Variants in SPTBN2 observed in about 807,000 individuals in gnomAD.
SPTBN2 encodes spectrin beta chain, non-erythrocytic 2.
Under a neutral mutation model 284.2 loss-of-function variants are expected in SPTBN2, and 107 were observed. The ratio of observed to expected loss-of-function variants is 0.38; its 90% confidence interval spans 0.32 to 0.44. The LOEUF (loss-of-function observed/expected upper bound fraction) is 0.44, where lower values mean the gene tolerates loss of function less well. Among genes scored for constraint, SPTBN2 ranks in the 20% least tolerant of loss-of-function variants. The probability of loss-of-function intolerance (pLI) is 1.00; values close to 1 mark genes in which losing one functional copy is unlikely to be tolerated. For missense variants in SPTBN2, 2,569 were observed against 3,287.1 expected, an observed-to-expected ratio of 0.78 and a Z score of 5.34; for synonymous variants, 1,289 against 1,354.8, an observed-to-expected ratio of 0.95 and a Z score of 1.07.
chr11:66,729,958 T>A (rs755024611), upstream of SPTBN2, among the ~76,000 whole-genome samples: 16 of 152,006 alleles, frequency 1.1e-4, no homozygotes, highest in Non-Finnish European at 1.5e-4. Flanking sequence ...CATGCCACCA[T>A]GCCCGACTAA....
In SPTBN2 at chr11:66,691,769, A is replaced by G. The variant is rs115016940; in HGVS notation, c.5191-111T>C. On this transcript the variant is annotated intron_variant, in intron 26 of 37. Transcript: ENST00000533211. This position sits in a 1 kb window ranked among gnomAD's most constrained non-coding sequence, Gnocchi z 8.0. Reference sequence around the variant, plus strand: ...CTCAGAACCCACCTCTCCCCGCTGCATGGGGGCCGGGACAGGTTTCTTCCC... The same window carrying G: ...CTCAGAACCCACCTCTCCCCGCTGCGTGGGGGCCGGGACAGGTTTCTTCCC... The G allele has an allele frequency of 1.3e-6, 2 of 1,508,040 alleles. No homozygotes were observed. Among genetic ancestry groups the G allele is most frequent in the Non-Finnish European group, 1.8e-6 (2 of 1,104,818 alleles). 93.4% of individuals were successfully genotyped at this position (1,508,040 alleles called of 1,614,324 possible).
In SPTBN2 at chr11:66,685,868, C is replaced by A; in HGVS notation, c.*3G>T. 6.2e-7 allele frequency: 1 copy of A among 1,613,578 alleles called. No homozygotes were observed. The highest frequency in any genetic ancestry group is 1.1e-5 in the South Asian group (1 of 91,032). On this transcript the variant is annotated 3_prime_UTR_variant, in exon 38 of 38. Transcript: ENST00000533211. The surrounding 1 kb of genome is among the most constrained non-coding windows in gnomAD (Gnocchi z 4.4). ...GGGAGTTGGCCTGGGACCTTGCCCC[C>A]AACTACTTGTTCTTCTTAAAGAAGC...
intron 1 of SPTBN2, among the ~76,000 whole-genome samples, chr11:66,726,152 A>G (rs1942615383): frequency 6.6e-6 from 1 of 152,146 alleles, no homozygotes; most frequent in Non-Finnish European, 1.5e-5. Context: ...CTTGACTATA[A>G]TTCATTTTTT....
rs765403117 is a variant in SPTBN2 at position 66,687,394 on chromosome 11, G to A, written c.6722+33C>T. ...ATCTGGGCAGAGGCTCTGGGGAAGTGCCCTCTGAGAGCAGGCTCCAGAGAG... is the reference window on the plus strand; with the variant it reads ...ATCTGGGCAGAGGCTCTGGGGAAGTACCCTCTGAGAGCAGGCTCCAGAGAG... On this transcript the variant is annotated intron_variant, in intron 35 of 37. Coordinates refer to ENST00000533211, the MANE Select transcript of SPTBN2 (RefSeq NM_006946.4). This position sits in a 1 kb window ranked among gnomAD's most constrained non-coding sequence, Gnocchi z 5.2. The A allele has an allele frequency of 1.3e-6, 2 of 1,597,062 alleles. No individual in the cohort carries two copies. The highest frequency in any genetic ancestry group is 2.2e-5 in the South Asian group (2 of 90,984).
At position 66,687,092 on chromosome 11, in the gene SPTBN2, C is replaced by G. The variant is rs140748364; in HGVS notation, c.6798G>C (p.Ala2266=). The part of the protein sequence containing the change: ...GFYKDAKAAS[A]GVPYHGEVPV... ...GCACTTCTCCGTGGTATGGCACTCC[C>G]GCGCTGGCTGCCTTGGCATCCTTGT... The change falls in exon 36 of 38, where the codon GCG becomes GCC. Residue 2266 remains alanine (A), a synonymous_variant. Coordinates refer to ENST00000533211, the MANE Select transcript of SPTBN2 (RefSeq NM_006946.4). The surrounding 1 kb of genome is among the most constrained non-coding windows in gnomAD (Gnocchi z 5.2). 3.1e-6 allele frequency: 5 copies of G among 1,614,036 alleles called. No individual in the cohort carries two copies. The highest frequency in any genetic ancestry group is 4.5e-5 in the East Asian group (2 of 44,892).
At chr11:66,720,799 A>G (rs1942365360) in intron 3 of SPTBN2, among the ~76,000 whole-genome samples, 1 of 152,156 alleles carries the variant, frequency 6.6e-6, no homozygotes, top group African/African-American at 2.4e-5. Context: ...ATGAAGGGAC[A>G]TGACCCGGGG....
rs199721330 is a variant in SPTBN2 at position 66,705,484 on chromosome 11, G to C, written c.1808-16C>G. On this transcript the variant is annotated splice_polypyrimidine_tract_variant and intron_variant, in intron 14 of 37. Coordinates refer to ENST00000533211, the MANE Select transcript of SPTBN2 (RefSeq NM_006946.4). ...GGTCTATACTCTGAGAAAGTCACAGGAGAGGGTCAGAGCCTTAACCCAGCC... is the reference window on the plus strand; with the variant it reads ...GGTCTATACTCTGAGAAAGTCACAGCAGAGGGTCAGAGCCTTAACCCAGCC... 1 of 1,612,852 alleles carries C rather than the reference G, an allele frequency of 6.2e-7. No individual in the cohort carries two copies.
intron 31 of SPTBN2, 38 bp downstream of exon 31, chr11:66,688,615 C>G: frequency 1.2e-6 from 2 of 1,611,844 alleles, no homozygotes; most frequent in South Asian, 1.1e-5. Flanking sequence ...GTCAGGGGAG[C>G]AGGTTGGAGT....
intron 1 of SPTBN2, 98 bp from the exon 2 acceptor site, chr11:66,721,538 G>C (rs549054981): frequency 4.3e-6 from 2 of 464,434 alleles, no homozygotes; most frequent in Admixed American, 6.7e-5. Context: ...AACGACTTCG[G>C]GCCAGAGAGG....
chr11:66,699,237 T>C (rs959628735), intron 18 of SPTBN2, among the ~76,000 whole-genome samples, 155 bp from the exon 19 acceptor site: 5 of 152,116 alleles, frequency 3.3e-5, no homozygotes, highest in Non-Finnish European at 1.5e-5. Flanking sequence ...TTAGCCCTGG[T>C]TGGGGGTGGA....
At chr11:66,737,038 A>G (rs977515445) in intron 1 of SPTBN2, among the ~76,000 whole-genome samples, 10 of 152,244 alleles carry the variant, frequency 6.6e-5, no homozygotes, top group Non-Finnish European at 1.3e-4. Flanking sequence ...TACAGAAGGA[A>G]GTTGTGATGA....
chr11:66,743,956 G>A (rs570538305), intron 1 of SPTBN2, among the ~76,000 whole-genome samples: 151 of 152,118 alleles, frequency 9.9e-4, no homozygotes, highest in Middle Eastern at 3.4e-3. Flanking sequence ...CGCCTCCCAG[G>A]TTCAAGCAAT....
Position 66,701,590 on chromosome 11 carries a change from T to C in SPTBN2, c.2810A>G (p.Asn937Ser), listed in dbSNP as rs768067211. 2 of 1,614,168 alleles carry C rather than the reference T, an allele frequency of 1.2e-6. No homozygotes were observed. Among genetic ancestry groups the C allele is most frequent in the Non-Finnish European group, 8.5e-7 (1 of 1,180,024 alleles). Residue 937 changes from asparagine (N) to serine (S), a missense_variant, in exon 16 of 38, where the codon AAC becomes AGC. This residue lies in a region of SPTBN2 where 1,012 missense variants were observed against 1,248.9 expected (regional missense o/e 0.81). Coordinates refer to ENST00000533211, the MANE Select transcript of SPTBN2 (RefSeq NM_006946.4). ...CCTGCCCTCCCAAACCCACCTGTGG[T>C]TGAGCTGCTCCTGGGTGTTGACAAT... is the stretch of plus-strand genomic sequence containing the variant. ...DRIVNTQEQL[N>S]HRWQQFRRLA...
chr11:66,738,231 C>T (rs2510013), intron 1 of SPTBN2, among the ~76,000 whole-genome samples: 10 of 151,176 alleles, frequency 6.6e-5, no homozygotes, highest in Non-Finnish European at 7.4e-5. Flanking sequence ...AACAAACAAA[C>T]AAAAAAAAGA....
chr11:66,707,420 C>T lies in SPTBN2; in HGVS notation c.1653+96G>A, dbSNP rs1941617306. The T allele has an allele frequency of 2.2e-6, 3 of 1,349,030 alleles. No individual in the cohort carries two copies. The highest frequency in any genetic ancestry group is 3.1e-6 in the Non-Finnish European group (3 of 981,148). 83.6% of individuals were successfully genotyped at this position (1,349,030 alleles called of 1,614,324 possible). A position where few individuals can be genotyped will look rare whatever the true frequency, so the allele number is the denominator to read the frequency against. ...CAGGGCCCTGTGCTGGTTCACACTC[C>T]ACAGAGATCGGCCGAGCAGACGGGC... On this transcript the variant is annotated intron_variant, in intron 13 of 37. Coordinates refer to ENST00000533211, the MANE Select transcript of SPTBN2 (RefSeq NM_006946.4). This position sits in a 1 kb window ranked among gnomAD's most constrained non-coding sequence, Gnocchi z 4.9.
Position 66,685,460 on chromosome 11 carries a change from G to C in SPTBN2, c.*411C>G. On this transcript the variant is annotated 3_prime_UTR_variant, in exon 38 of 38. Transcript: ENST00000533211. The surrounding 1 kb of genome is among the most constrained non-coding windows in gnomAD (Gnocchi z 4.4). ...CTGCTTCAGCTCTGAGAGGTTCCTG[G>C]CTGGTCTGAGGGGTGAGGAACCAGA... 4 of 262,982 alleles carry C rather than the reference G, an allele frequency of 1.5e-5. No individual in the cohort carries two copies. The highest frequency in any genetic ancestry group is 1.2e-4 in the South Asian group (3 of 24,676). 16.3% of individuals were successfully genotyped at this position (262,982 alleles called of 1,614,324 possible).
intron 1 of SPTBN2, among the ~76,000 whole-genome samples, chr11:66,721,730 C>T (rs926306805): frequency 1.3e-5 from 2 of 152,062 alleles, no homozygotes; most frequent in Admixed American, 1.3e-4. Context: ...CCTACTATAC[C>T]CTGTAGGCAA....
At chr11:66,705,641 C>T (rs1302948255) in intron 14 of SPTBN2, 43 bp downstream of exon 14, 1 of 1,607,228 alleles carries the variant, frequency 6.2e-7, no homozygotes, top group Non-Finnish European at 8.5e-7. Context: ...TGATGTGCTC[C>T]TTCCCAGCCC....
At chr11:66,701,836 C>A in intron 15 of SPTBN2, 115 bp from the exon 16 acceptor site, 1 of 1,442,510 alleles carries the variant, frequency 6.9e-7, no homozygotes, top group Non-Finnish European at 9.6e-7. Context: ...GGAGGCTTAT[C>A]TGCAGGAGTC....
Sources: allele counts gnomAD v4.1 joint callset (sites outside exome capture counted in the v4.1 genomes callset), GRCh38; gene constraint gnomAD v4.1.1; regional missense constraint gnomAD v4.1.1; non-coding constraint Gnocchi (gnomAD v3.1); transcripts MANE v1.5; gene names NCBI Gene and HGNC (gene_info 2026-07-23, HGNC 2026-07-21).